PRDM16: variants seen among roughly 807,000 people sequenced by gnomAD.
PRDM16 encodes PR/SET domain 16.
In PRDM16, 23 loss-of-function variants were observed where a neutral mutation model predicts 110.6. The observed-to-expected ratio is 0.21, with a 90% CI of 0.15 to 0.29. The LOEUF is 0.29. Ranked by LOEUF, PRDM16 falls within the 10% of genes least tolerant of loss-of-function variation. The pLI is 1.00. For missense variants in PRDM16, 1,615 were observed against 1,794.3 expected (o/e 0.90, Z 1.81); for synonymous variants, 799 against 781.8 (o/e 1.02, Z -0.37).
intron 3 of PRDM16, chr1:3,309,916 A>C (rs1641408443): frequency 6.6e-6 from 1 of 152,172 alleles, no homozygotes; most frequent in Non-Finnish European, 1.5e-5. Flanking sequence ...AAAGCCCCAG[A>C]GCAGCCTCTC....
chr1:3,416,054 G>T (rs532005321), intron 10 of PRDM16, among the ~76,000 whole-genome samples: 1 of 152,354 alleles, frequency 6.6e-6, no homozygotes, highest in East Asian at 1.9e-4. Flanking sequence ...GCAGGGGCGG[G>T]AGAAGCCTGA....
At chr1:3,256,269 T>TG (rs1640043371) in intron 3 of PRDM16, among the ~76,000 whole-genome samples, 1 of 152,118 alleles carries the variant, frequency 6.6e-6, no homozygotes, top group Admixed American at 6.6e-5. Context: ...TGCTGCGGGC[T>TG]GGGGGTCGGA....
chr1:3,263,370 C>T (rs374310249), intron 3 of PRDM16, among the ~76,000 whole-genome samples: 2 of 152,326 alleles, frequency 1.3e-5, no homozygotes, highest in Middle Eastern at 3.4e-3. Flanking sequence ...CAGAGCGTGC[C>T]GCTCTCCCGT....
At chr1:3,160,348 C>T (rs1309538001) in intron 1 of PRDM16, among the ~76,000 whole-genome samples, 1 of 152,214 alleles carries the variant, frequency 6.6e-6, no homozygotes. Context: ...TGCTGGGTCC[C>T]TGGTGCTCAG....
intron 2 of PRDM16, among the ~76,000 whole-genome samples, chr1:3,197,841 G>A (rs1638518508): frequency 1.3e-5 from 2 of 152,118 alleles, no homozygotes; most frequent in South Asian, 4.1e-4. Context: ...AGGTCTCCCT[G>A]GGTCAGGGAC....
intron 1 of PRDM16, among the ~76,000 whole-genome samples, chr1:3,117,101 C>T (rs909855569): frequency 2.0e-5 from 3 of 152,230 alleles, no homozygotes; most frequent in Non-Finnish European, 2.9e-5. Context: ...GGGGCTGCTT[C>T]CTCGGTGGGA....
intron 3 of PRDM16, among the ~76,000 whole-genome samples, chr1:3,336,654 GTGTA>G (rs1350925538): frequency 1.4e-5 from 2 of 146,710 alleles, no homozygotes; most frequent in Non-Finnish European, 3.0e-5. Context: ...GAGTGAGTGT[GTGTA>G]TGTGTGCACA....
intron 1 of PRDM16, among the ~76,000 whole-genome samples, chr1:3,094,501 G>C (rs1023309087): frequency 6.6e-6 from 1 of 152,222 alleles, no homozygotes; most frequent in Non-Finnish European, 1.5e-5. Context: ...AGGGCAGTTT[G>C]GGCACAGGAG....
chr1:3,139,388 G>A lies in PRDM16; in HGVS notation c.38-46737G>A, dbSNP rs964293291. 2.9e-4 allele frequency among the ~76,000 whole-genome samples: 44 copies of A among 152,234 alleles called. 1 individual carries two copies. The highest frequency in any genetic ancestry group is 2.1e-4 in the South Asian group (1 of 4,836). On this transcript the variant is annotated intron_variant, in intron 1 of 16. Coordinates refer to ENST00000270722, the MANE Select transcript of PRDM16 (RefSeq NM_022114.4). ...GGTGCAGAGACTGAGGCTTAATAAC[G>A]AATCACGTGCCCCTTGGCCCCAGAT...
chr1:3,352,881 A>C (rs1642521601), intron 3 of PRDM16, among the ~76,000 whole-genome samples: 1 of 150,500 alleles, frequency 6.6e-6, no homozygotes, highest in Non-Finnish European at 1.5e-5. Flanking sequence ...GGTGGCAGTC[A>C]GGCCGCATTT....
intron 2 of PRDM16, among the ~76,000 whole-genome samples, chr1:3,205,339 C>T (rs1638730768): frequency 6.6e-6 from 1 of 152,108 alleles, no homozygotes; most frequent in South Asian, 2.1e-4. Flanking sequence ...GTCAGCCATC[C>T]GGTCACTCCA....
intron 3 of PRDM16, among the ~76,000 whole-genome samples, chr1:3,262,152 C>T (rs72632125): frequency 0.056 from 8,514 of 152,278 alleles, 332 homozygotes; most frequent in African/African-American, 0.099. Flanking sequence ...GGTAATCTGC[C>T]GAAGATCACA....
intron 2 of PRDM16, among the ~76,000 whole-genome samples, chr1:3,229,277 G>C (rs975377235): frequency 1.3e-5 from 2 of 152,170 alleles, no homozygotes; most frequent in African/African-American, 4.8e-5. Flanking sequence ...TGGGAGCACT[G>C]TTCACCCACA....
At chr1:3,321,166 G>A (rs1318968939) in intron 3 of PRDM16, among the ~76,000 whole-genome samples, 1 of 152,224 alleles carries the variant, frequency 6.6e-6, no homozygotes, top group African/African-American at 2.4e-5. Context: ...GGGAATCTGA[G>A]GTGTGTGTGG....
rs542039559 is a variant in PRDM16 at position 3,265,785 on chromosome 1, G to C, written c.438+21648G>C. On this transcript the variant is annotated intron_variant, in intron 3 of 16. Coordinates refer to ENST00000270722, the MANE Select transcript of PRDM16 (RefSeq NM_022114.4). This position sits in a 1 kb window ranked among gnomAD's most constrained non-coding sequence, Gnocchi z 4.5. The stretch of plus-strand genomic sequence containing the variant: ...TTATCCAGCTGGCACCTCACGCTCT[G>C]TCCTCACCGCCCAGACCCTAGGAGC... Among the ~76,000 whole-genome samples, 2 of 152,242 alleles carry C rather than the reference G, an allele frequency of 1.3e-5. No individual in the cohort carries two copies. The highest frequency in any genetic ancestry group is 4.8e-5 in the African/African-American group (2 of 41,534).
chr1:3,230,048 G>A (rs568637082), intron 2 of PRDM16, among the ~76,000 whole-genome samples: 2 of 152,342 alleles, frequency 1.3e-5, no homozygotes, highest in African/African-American at 4.8e-5. Context: ...TGTGGCCCAA[G>A]GAGGAACGCG....
chr1:3,186,708 G>A (rs1196905344), intron 2 of PRDM16: 1 of 457,944 alleles, frequency 2.2e-6, no homozygotes, highest in East Asian at 3.4e-5. Context: ...ACTCTCTCCC[G>A]GAAATGTGTC....
chr1:3,376,595 A>C (rs1452002697), intron 3 of PRDM16, among the ~76,000 whole-genome samples: 1 of 152,162 alleles, frequency 6.6e-6, no homozygotes, highest in Non-Finnish European at 1.5e-5. Flanking sequence ...GACAAGCCCC[A>C]GACAGCCCAC....
At chr1:3,394,128 G>A (rs1285028714) in intron 4 of PRDM16, among the ~76,000 whole-genome samples, 1 of 152,114 alleles carries the variant, frequency 6.6e-6, no homozygotes, top group Non-Finnish European at 1.5e-5. Flanking sequence ...GAAGAGGTGG[G>A]GGAAGGGGTT....
Sources: gnomAD v4.1 joint callset for allele counts (sites outside exome capture counted in the v4.1 genomes callset) on GRCh38, gnomAD v4.1.1 for gene constraint, Gnocchi (gnomAD v3.1) non-coding constraint, MANE v1.5 for transcripts, NCBI Gene and HGNC (gene_info 2026-07-23, HGNC 2026-07-21) for gene names.